The following TSPAN9 variants were observed in gnomAD, a reference collection of about 807,000 sequenced individuals.
The protein encoded by TSPAN9 is tetraspanin 9.
In TSPAN9, 16 loss-of-function variants were observed where a neutral mutation model predicts 31.0. That is an observed-to-expected ratio of 0.52 (90% CI 0.35 to 0.78). The LOEUF (loss-of-function observed/expected upper bound fraction) is 0.78. Among genes scored for constraint, TSPAN9 ranks in the 30% least tolerant of loss-of-function variants. The pLI is 0.01. For synonymous variants in TSPAN9, 145 were observed against 121.6 expected, an observed-to-expected ratio of 1.19 and a Z score of -1.27; for missense variants, 272 against 312.5, an observed-to-expected ratio of 0.87 and a Z score of 0.98.
At chr12:3,237,291 C>T (rs2098394289) in intron 3 of TSPAN9, among the ~76,000 whole-genome samples, 1 of 152,162 alleles carries the variant, frequency 6.6e-6, no homozygotes, top group Non-Finnish European at 1.5e-5. Flanking sequence ...CTGGGCTTGC[C>T]TCCTGATGGG....
intron 3 of TSPAN9, among the ~76,000 whole-genome samples, chr12:3,219,447 G>A (rs1295199067): frequency 6.6e-6 from 1 of 152,194 alleles, no homozygotes; most frequent in Non-Finnish European, 1.5e-5. Context: ...ATCTCCCGGT[G>A]TGGGTCGGGC....
chr12:3,188,457 C>A (rs2098362659), intron 2 of TSPAN9, among the ~76,000 whole-genome samples: 1 of 152,086 alleles, frequency 6.6e-6, no homozygotes, highest in South Asian at 2.1e-4. Context: ...TAGTCAGGTA[C>A]CCGGGCCTGG....
chr12:3,127,242 C>T (rs533807655), intron 2 of TSPAN9, among the ~76,000 whole-genome samples: 23 of 152,192 alleles, frequency 1.5e-4, no homozygotes, highest in Middle Eastern at 3.4e-3. Flanking sequence ...CATCTTGTCC[C>T]GCTGGAAGGT....
Position 3,172,199 on chromosome 12 carries a change from A to T in TSPAN9, c.-17-28978A>T, listed in dbSNP as rs1320490706. The T allele has an allele frequency of 1.3e-5, 2 of 152,278 alleles. No homozygotes were observed. The highest frequency in any genetic ancestry group is 2.9e-5 in the Non-Finnish European group (2 of 68,090). 9.4% of individuals were successfully genotyped at this position (152,278 alleles called of 1,614,324 possible). ...CTCTGGTAGCAGCCAGCAAAGCAGG[A>T]TCCATCCGTCACCCTTCCCCCGCCC... On this transcript the variant is annotated intron_variant, in intron 2 of 8. Coordinates refer to ENST00000011898, the MANE Select transcript of TSPAN9 (RefSeq NM_006675.5). The surrounding 1 kb of genome is among the most constrained non-coding windows in gnomAD (Gnocchi z 4.8).
intron 3 of TSPAN9, among the ~76,000 whole-genome samples, chr12:3,260,175 C>A (rs1039993892): frequency 6.6e-6 from 1 of 152,200 alleles, no homozygotes; most frequent in African/African-American, 2.4e-5. Flanking sequence ...TGGGGGTGGC[C>A]CCTCAGGGCA....
chr12:3,233,147 T>A (rs1232513488), intron 3 of TSPAN9, among the ~76,000 whole-genome samples: 1 of 152,202 alleles, frequency 6.6e-6, no homozygotes, highest in African/African-American at 2.4e-5. Context: ...GGGCCACCTG[T>A]CGTCTCATTC....
chr12:3,183,262 G>C (rs1348066998), intron 2 of TSPAN9, among the ~76,000 whole-genome samples: 1 of 152,150 alleles, frequency 6.6e-6, no homozygotes, highest in East Asian at 1.9e-4. Context: ...TATGGGCTTG[G>C]GCTGAACAGA....
Position 3,172,899 on chromosome 12 carries a change from G to C in TSPAN9, c.-17-28278G>C, listed in dbSNP as rs1332846305. 6.6e-6 allele frequency: 1 copy of C among 152,244 alleles called. No homozygotes were observed. The highest frequency in any genetic ancestry group is 1.5e-5 in the Non-Finnish European group (1 of 68,056). 9.4% of individuals were successfully genotyped at this position (152,244 alleles called of 1,614,324 possible). A position where few individuals can be genotyped will look rare whatever the true frequency, so the allele number is the denominator to read the frequency against. ...AACAGAGAGGCTGGTCCCAGCGCAG[G>C]TTGTTACCACCGCTGGGCCCTCCCA... On this transcript the variant is annotated intron_variant, in intron 2 of 8. Transcript: ENST00000011898. The surrounding 1 kb of genome is among the most constrained non-coding windows in gnomAD (Gnocchi z 4.8).
At chr12:3,166,234 T>C (rs58691260) in intron 2 of TSPAN9, among the ~76,000 whole-genome samples, 6,878 of 152,250 alleles carry the variant, frequency 0.045, 518 homozygotes, top group African/African-American at 0.16. Context: ...TCATTAACTT[T>C]AATTTAATAG....
chr12:3,106,291 G>A (rs1490645072), intron 2 of TSPAN9, among the ~76,000 whole-genome samples: 1 of 152,250 alleles, frequency 6.6e-6, no homozygotes, highest in African/African-American at 2.4e-5. Flanking sequence ...ATGGCTTTTA[G>A]CTTACCACAT....
intron 3 of TSPAN9, among the ~76,000 whole-genome samples, chr12:3,269,689 G>A (rs766449769): frequency 3.9e-5 from 6 of 152,250 alleles, no homozygotes; most frequent in Non-Finnish European, 8.8e-5. Context: ...CAGTCTAGAG[G>A]CCACATCCTT....
At chr12:3,253,296 C>T (rs570151099) in intron 3 of TSPAN9, among the ~76,000 whole-genome samples, 4 of 152,334 alleles carry the variant, frequency 2.6e-5, no homozygotes, top group South Asian at 4.1e-4. Context: ...GGCTGCCTGC[C>T]GGCTCAGTGA....
intron 2 of TSPAN9, among the ~76,000 whole-genome samples, chr12:3,182,630 T>A (rs1287962997): frequency 2.6e-5 from 4 of 152,152 alleles, no homozygotes. Flanking sequence ...GGCACCCCAT[T>A]CTCTTGCAGC....
chr12:3,267,305 A>G (rs1403647548), intron 3 of TSPAN9, among the ~76,000 whole-genome samples: 1 of 152,260 alleles, frequency 6.6e-6, no homozygotes, highest in Non-Finnish European at 1.5e-5. Flanking sequence ...TCTGAGGAAC[A>G]CAAAGTGCTC....
chr12:3,166,543 C>T (rs1294666639), intron 2 of TSPAN9, among the ~76,000 whole-genome samples: 2 of 152,132 alleles, frequency 1.3e-5, no homozygotes, highest in African/African-American at 2.4e-5. Context: ...AAAGGGCTAC[C>T]GGGATGAATA....
chr12:3,139,600 G>C (rs915593714), intron 2 of TSPAN9, among the ~76,000 whole-genome samples: 1 of 152,054 alleles, frequency 6.6e-6, no homozygotes, highest in Non-Finnish European at 1.5e-5. Flanking sequence ...ACAGGGTCTT[G>C]CTCTGTCACC....
In TSPAN9 at chr12:3,152,023, A is replaced by T. The variant is rs568587418; in HGVS notation, c.-17-49154A>T. On this transcript the variant is annotated intron_variant, in intron 2 of 8. Coordinates refer to ENST00000011898, the MANE Select transcript of TSPAN9 (RefSeq NM_006675.5). ...TTCCTGCAAATGGGATGCCTGCTGG[A>T]GGGGGCTGTGATTTGCTGCTTGGCG... Among the ~76,000 whole-genome samples, 7 of 152,326 alleles carry T rather than the reference A, an allele frequency of 4.6e-5. No homozygotes were observed. In the South Asian group the frequency reaches 1.5e-3, roughly 32 times the overall value.
chr12:3,092,307 G>T (rs570847019), intron 2 of TSPAN9, among the ~76,000 whole-genome samples: 2 of 152,168 alleles, frequency 1.3e-5, no homozygotes, highest in East Asian at 3.9e-4. Flanking sequence ...TACTGTCAGT[G>T]AATCAGTAAG....
intron 2 of TSPAN9, among the ~76,000 whole-genome samples, chr12:3,129,036 T>C (rs2098328606): frequency 6.6e-6 from 1 of 152,212 alleles, no homozygotes; most frequent in East Asian, 1.9e-4. Flanking sequence ...CTTTCGTGAC[T>C]GGCTTACTTC....
Sources: allele counts gnomAD v4.1 joint callset (sites outside exome capture counted in the v4.1 genomes callset), GRCh38; gene constraint gnomAD v4.1.1; non-coding constraint Gnocchi (gnomAD v3.1); transcripts MANE v1.5; gene names NCBI Gene and HGNC (gene_info 2026-07-23, HGNC 2026-07-21).